Variants in MUC13 observed in about 807,000 individuals in gnomAD.
MUC13 encodes mucin-13.
In MUC13, 32 loss-of-function variants were observed where a neutral mutation model predicts 48.3. That is an observed-to-expected ratio of 0.66 (90% confidence interval 0.50 to 0.89). MUC13 has a LOEUF of 0.89. MUC13 is among the 40% of genes least tolerant of loss of function. The pLI is 0.00. For synonymous variants in MUC13, 199 were observed against 224.9 expected (o/e 0.88, Z 1.03); for missense variants, 571 against 622.8 (o/e 0.92, Z 0.88).
Position 124,927,630 on chromosome 3 carries a change from T to C in MUC13, c.416A>G (p.Gln139Arg), listed in dbSNP as rs775525822. ...GGTGGGGGACATTTCATTGTTACTT[T>C]GTGTTTCAGAAGGAACCATTGTGAT... ...GLITMVPSET[Q>R]SNNEMSPTTE... The change falls in exon 2 of 12, where the codon CAA becomes CGA. Residue 139 changes from glutamine (Q) to arginine (R), a missense_variant. Physicochemically the swap from Gln to Arg is conservative, Grantham distance 43. Coordinates refer to ENST00000616727, the MANE Select transcript of MUC13 (RefSeq NM_033049.4). 48 of 1,614,226 alleles carry C rather than the reference T, an allele frequency of 3.0e-5. No individual in the cohort carries two copies. The East Asian group carries it at 9.8e-4, about 33-fold the overall frequency.
intron 5 of MUC13, among the ~76,000 whole-genome samples, chr3:124,917,696 T>C (rs1221961240): frequency 6.7e-6 from 1 of 149,738 alleles, no homozygotes; most frequent in Non-Finnish European, 1.5e-5. Flanking sequence ...GGCTTCAGCA[T>C]TGTAATTTAA....
In MUC13 at chr3:124,934,728, T is replaced by G. The variant is rs999453867; in HGVS notation, c.-16A>C. ...TGGCTTTCATTTTAGCTGTTCTTGC[T>G]TGGTAATCTGAGGAGGAAATGATTT... is the stretch of plus-strand genomic sequence containing the variant. On this transcript the variant is annotated 5_prime_UTR_variant, in exon 1 of 12. Coordinates refer to ENST00000616727, the MANE Select transcript of MUC13 (RefSeq NM_033049.4). 1 of 1,602,984 alleles carries G rather than the reference T, an allele frequency of 6.2e-7. No individual in the cohort carries two copies. Among genetic ancestry groups the G allele is most frequent in the African/African-American group, 1.3e-5 (1 of 74,782 alleles).
rs759721806 is a variant in MUC13, at chr3:124,920,319, T to TA, written c.745-31dup. 17 of 1,553,734 alleles carry TA rather than the reference T, an allele frequency of 1.1e-5. No individual in the cohort carries two copies. The Admixed American group carries it at 1.2e-4, about 11-fold the overall frequency. ...GGAGGAAAACAGATTTAATAACAAG[T>TA]AAAAAAAATTTTTTTTTCACATTTT... On this transcript the variant is annotated intron_variant, in intron 4 of 11. Coordinates refer to ENST00000616727, the MANE Select transcript of MUC13 (RefSeq NM_033049.4).
intron 1 of MUC13, among the ~76,000 whole-genome samples, chr3:124,931,158 A>G (rs569131715): frequency 5.9e-5 from 9 of 151,462 alleles, no homozygotes; most frequent in Admixed American, 5.9e-4. Context: ...TCAGGCCAGG[A>G]GCGGTGGCTC....
Position 124,913,063 on chromosome 3 carries a change from TG to T in MUC13, c.1214+47del, listed in dbSNP as rs1246503415. ...TACGTGTTGTAAGGTCTCTCTACTT[TG>T]CCTAGCTCCAGCTGTGGCAAGACAA... On this transcript the variant is annotated intron_variant, in intron 8 of 11. Transcript: ENST00000616727. 1.9e-6 allele frequency: 3 copies of T among 1,601,000 alleles called. No individual in the cohort carries two copies. The African/African-American group carries it at 4.0e-5, about 21-fold the overall frequency.
intron 2 of MUC13, among the ~76,000 whole-genome samples, chr3:124,924,484 C>T (rs1228928672): frequency 1.3e-5 from 2 of 152,202 alleles, no homozygotes; most frequent in Non-Finnish European, 2.9e-5. Flanking sequence ...TGATAACCTT[C>T]AGAGCTGTCT....
At chr3:124,918,968 T>A (rs1935549183) in intron 5 of MUC13, among the ~76,000 whole-genome samples, 1 of 152,146 alleles carries the variant, frequency 6.6e-6, no homozygotes, top group African/African-American at 2.4e-5. Flanking sequence ...TAGAAATCCA[T>A]CACTTTTAAA....
At chr3:124,922,426 G>A (rs1935614287) in intron 3 of MUC13, 123 bp from the exon 4 acceptor site, 4 of 1,260,546 alleles carry the variant, frequency 3.2e-6, no homozygotes, top group African/African-American at 1.5e-5. Flanking sequence ...CAGGAAATCT[G>A]GAAATATTTT....
chr3:124,906,885 A>G (rs62267670), intron 11 of MUC13, 143 bp from the exon 12 acceptor site: 2 of 152,102 alleles, frequency 1.3e-5, no homozygotes, highest in Non-Finnish European at 2.9e-5. Context: ...TATTCTCCCT[A>G]TCATTTCTCT....
Position 124,905,604 on chromosome 3 carries a change from T to C in MUC13, c.*1139A>G, listed in dbSNP as rs1294054172. The C allele has an allele frequency of 6.5e-6, 1 of 153,228 alleles. No individual in the cohort carries two copies. Among genetic ancestry groups the C allele is most frequent in the Non-Finnish European group, 1.5e-5 (1 of 68,036 alleles). 9.5% of individuals were successfully genotyped at this position (153,228 alleles called of 1,614,324 possible). ...CTTGTACTGGATGTGGTTGCCCCCA[T>C]TTGTGTGTGTGGTTGTGTGTGTGTG... On this transcript the variant is annotated 3_prime_UTR_variant, in exon 12 of 12. Transcript: ENST00000616727.
intron 11 of MUC13, among the ~76,000 whole-genome samples, chr3:124,907,227 G>A (rs1183740993): frequency 1.3e-5 from 2 of 151,950 alleles, no homozygotes; most frequent in Admixed American, 1.3e-4. Flanking sequence ...GGCTGGTCTC[G>A]AACTCTTGGG....
chr3:124,921,519 T>C (rs1935594085), intron 4 of MUC13, among the ~76,000 whole-genome samples: 1 of 152,194 alleles, frequency 6.6e-6, no homozygotes, highest in Non-Finnish European at 1.5e-5. Flanking sequence ...TTGAGCTGTA[T>C]TGGCTGGACA....
intron 10 of MUC13, among the ~76,000 whole-genome samples, chr3:124,909,886 C>CA (rs1282934663): frequency 6.6e-5 from 10 of 150,406 alleles, no homozygotes; most frequent in East Asian, 1.9e-4. Context: ...GGTGTTAAAC[C>CA]AAAAAAAACC....
rs779463702 is a variant in MUC13 at position 124,913,252 on chromosome 3, A to G, written c.1085-12T>C. 3.6e-5 allele frequency: 57 copies of G among 1,600,012 alleles called. 3 individuals carry two copies. Among genetic ancestry groups the G allele is most frequent in the South Asian group, 3.1e-4 (28 of 89,372 alleles). ...CTTGAGACTGGAAGCTTCAAAACAGAATGATTTCTGGGTAATTTTCAGAAA... is the reference window on the plus strand; with the variant it reads ...CTTGAGACTGGAAGCTTCAAAACAGGATGATTTCTGGGTAATTTTCAGAAA... On this transcript the variant is annotated splice_polypyrimidine_tract_variant and intron_variant, in intron 7 of 11. Transcript: ENST00000616727.
chr3:124,914,806 A>G (rs1935483395), intron 6 of MUC13, among the ~76,000 whole-genome samples: 1 of 152,062 alleles, frequency 6.6e-6, no homozygotes, highest in African/African-American at 2.4e-5. Context: ...CATGCCTATA[A>G]TCCCAGCTAC....
chr3:124,912,130 C>T lies in MUC13; in HGVS notation c.1226G>A (p.Gly409Asp), dbSNP rs1447224472. Residue 409 changes from glycine (G) to aspartate (D), a missense_variant, in exon 9 of 12, where the codon GGC (glycine) becomes GAC (aspartate). Gly to Asp is a moderately conservative substitution (Grantham distance 94, BLOSUM62 -1). Transcript: ENST00000616727. ...GTCCTTACAGTCGAGTCCACTGTAG[C>T]CAAATGCACACCTGAAATACAGTGA... is the stretch of plus-strand genomic sequence containing the variant. ...ANGNCQKCAF[G>D]YSGLDCKDKF... The T allele has an allele frequency of 6.2e-7, 1 of 1,612,964 alleles. No homozygotes were observed. Among genetic ancestry groups the T allele is most frequent in the Non-Finnish European group, 8.5e-7 (1 of 1,179,632 alleles).
chr3:124,911,619 G>T (rs2107667758), intron 9 of MUC13, among the ~76,000 whole-genome samples: 1 of 151,432 alleles, frequency 6.6e-6, no homozygotes, highest in South Asian at 2.1e-4. Flanking sequence ...TCTGGTGGGG[G>T]TGGGGCATGG....
intron 1 of MUC13, among the ~76,000 whole-genome samples, chr3:124,931,247 A>G (rs1208473737): frequency 1.3e-5 from 2 of 151,758 alleles, no homozygotes; most frequent in Admixed American, 6.6e-5. Flanking sequence ...CCTGGCCAAC[A>G]TGATGAAACC....
chr3:124,910,323 C>G, intron 10 of MUC13, 92 bp downstream of exon 10: 2 of 1,509,930 alleles, frequency 1.3e-6, no homozygotes, highest in African/African-American at 2.8e-5. Flanking sequence ...GGCTTGAGTT[C>G]AGGAGTTCGA....
Sources: gnomAD v4.1 joint callset for allele counts (sites outside exome capture counted in the v4.1 genomes callset) on GRCh38, gnomAD v4.1.1 for gene constraint, MANE v1.5 for transcripts, NCBI Gene and HGNC (gene_info 2026-07-23, HGNC 2026-07-21) for gene names.